EPHX2: variants seen among roughly 807,000 people sequenced by gnomAD.
The protein encoded by EPHX2 is bifunctional epoxide hydrolase 2.
EPHX2 carries 74 observed loss-of-function variants against 78.7 expected under a neutral mutation model. That is an observed-to-expected ratio of 0.94 (90% CI 0.78 to 1.14). EPHX2 has a LOEUF of 1.14. EPHX2 is among the 50% of genes most tolerant of loss of function. The pLI is 0.00. For synonymous variants in EPHX2, 251 were observed against 255.2 expected, an observed-to-expected ratio of 0.98 and a Z score of 0.16; for missense variants, 715 against 702.5, an observed-to-expected ratio of 1.02 and a Z score of -0.20.
At chr8:27,536,063 G>A (rs957550315) in intron 12 of EPHX2, among the ~76,000 whole-genome samples, 4 of 152,200 alleles carry the variant, frequency 2.6e-5, no homozygotes, top group African/African-American at 7.2e-5. Context: ...ACTGTGTGTC[G>A]ACTGGGTAAT....
chr8:27,493,090 G>A (rs749625228), intron 1 of EPHX2: 2 of 173,254 alleles, frequency 1.2e-5, no homozygotes, highest in African/African-American at 4.8e-5. Flanking sequence ...CCATTTGTAA[G>A]ACCATCTGTA....
rs571318334 is a variant in EPHX2 at position 27,520,321 on chromosome 8, G to A, written c.946-562G>A. Among the ~76,000 whole-genome samples, 44 of 151,074 alleles carry A rather than the reference G, an allele frequency of 2.9e-4. No individual in the cohort carries two copies. The South Asian group carries it at 3.6e-3, about 12-fold the overall frequency. On this transcript the variant is annotated intron_variant, in intron 9 of 18. Transcript: ENST00000521400. The stretch of plus-strand genomic sequence containing the variant: ...GCTGGGATTACAGGCGCCGGCCACC[G>A]TGCCCAGCTAATTTTTGTTTTGTTT...
chr8:27,528,068 G>A (rs1438916077), intron 12 of EPHX2, among the ~76,000 whole-genome samples: 1 of 152,108 alleles, frequency 6.6e-6, no homozygotes, highest in African/African-American at 2.4e-5. Context: ...AGAGAGGAGG[G>A]ACAAATCAGG....
At chr8:27,504,932 A>G in intron 3 of EPHX2, 24 bp from the exon 4 acceptor site, 4 of 1,612,648 alleles carry the variant, frequency 2.5e-6, no homozygotes, top group Non-Finnish European at 3.4e-6. Context: ...TAGCTGGTCT[A>G]TCTACTGGTG....
chr8:27,523,935 GTT>G (rs58934271), intron 11 of EPHX2, among the ~76,000 whole-genome samples: 3,718 of 139,818 alleles, frequency 0.027, 135 homozygotes, highest in African/African-American at 0.085. Context: ...TTCTATTCCT[GTT>G]TTTTTTTTTT....
At chr8:27,534,043 A>G (rs892406252) in intron 12 of EPHX2, among the ~76,000 whole-genome samples, 4 of 152,202 alleles carry the variant, frequency 2.6e-5, no homozygotes, top group African/African-American at 9.6e-5. Flanking sequence ...GACTGCTCTC[A>G]GTAAATAAGA....
intron 5 of EPHX2, among the ~76,000 whole-genome samples, chr8:27,510,626 G>C (rs1814202776): frequency 6.6e-6 from 1 of 152,168 alleles, no homozygotes; most frequent in Admixed American, 6.5e-5. Context: ...ACAAGGCTGA[G>C]CCCTAATCTC....
intron 18 of EPHX2, 49 bp downstream of exon 18, chr8:27,544,293 T>C (rs1361998799): frequency 6.2e-7 from 1 of 1,608,056 alleles, no homozygotes; most frequent in Non-Finnish European, 8.5e-7. Context: ...GGCCCCCCGT[T>C]CACCTTCCAT....
intron 1 of EPHX2, among the ~76,000 whole-genome samples, chr8:27,497,245 G>A (rs559169261): frequency 6.6e-5 from 10 of 152,330 alleles, no homozygotes; most frequent in South Asian, 4.1e-4. Flanking sequence ...TGGATCATCC[G>A]GTTGGGGGCT....
intron 14 of EPHX2, chr8:27,539,351 C>T (rs941039745): frequency 6.6e-6 from 1 of 152,198 alleles, no homozygotes; most frequent in Non-Finnish European, 1.5e-5. Context: ...CTGGACTAAC[C>T]CCCTTTAGAT....
At chr8:27,510,845 A>C (rs1814213307) in intron 5 of EPHX2, among the ~76,000 whole-genome samples, 1 of 151,826 alleles carries the variant, frequency 6.6e-6, no homozygotes, top group Non-Finnish European at 1.5e-5. Flanking sequence ...GCTACTTAGG[A>C]GGCTGAGGTG....
intron 6 of EPHX2, 149 bp downstream of exon 6, chr8:27,512,059 C>T: frequency 1.5e-6 from 1 of 647,348 alleles, no homozygotes; most frequent in South Asian, 1.8e-5. Context: ...GATCACACCA[C>T]TGTGCTCCAG....
chr8:27,527,755 G>C (rs980529635), intron 12 of EPHX2, among the ~76,000 whole-genome samples: 7 of 152,158 alleles, frequency 4.6e-5, no homozygotes, highest in African/African-American at 1.4e-4. Flanking sequence ...AGTATTCCAT[G>C]GTGTGTATAG....
intron 9 of EPHX2, among the ~76,000 whole-genome samples, chr8:27,518,479 C>T (rs1474189295): frequency 1.3e-5 from 2 of 152,230 alleles, no homozygotes; most frequent in African/African-American, 4.8e-5. Flanking sequence ...CATGGAATTC[C>T]TGCTCTAAGA....
intron 12 of EPHX2, among the ~76,000 whole-genome samples, chr8:27,536,568 G>C (rs1815218263): frequency 6.6e-6 from 1 of 152,102 alleles, no homozygotes; most frequent in African/African-American, 2.4e-5. Context: ...CTATAAACCT[G>C]CCTCCCGTGG....
Position 27,511,857 on chromosome 8 carries a change from C to T in EPHX2, c.682C>T (p.Leu228=), listed in dbSNP as rs201531330. The stretch of plus-strand genomic sequence containing the variant: ...ACAGCTTCTCAATACCCCGGCCCCT[C>T]TGCCGACCTCTTGCAATCCAAGTGA... ...GIQLLNTPAP[L]PTSCNPSDMS... Residue 228 remains leucine (L), a synonymous_variant, in exon 6 of 19, where the codon CTG becomes TTG. Coordinates refer to ENST00000521400, the MANE Select transcript of EPHX2 (RefSeq NM_001979.6). 3.1e-5 allele frequency: 50 copies of T among 1,614,108 alleles called. No individual in the cohort carries two copies. The highest frequency in any genetic ancestry group is 1.6e-4 in the Middle Eastern group (1 of 6,084).
intron 16 of EPHX2, among the ~76,000 whole-genome samples, chr8:27,541,803 G>A (rs961496256): frequency 1.1e-4 from 16 of 152,102 alleles, no homozygotes; most frequent in African/African-American, 2.2e-4. Flanking sequence ...GCATCCATCC[G>A]GAATCCCCAG....
intron 11 of EPHX2, among the ~76,000 whole-genome samples, 172 bp downstream of exon 11, chr8:27,522,680 C>T (rs368829874): frequency 9.9e-5 from 15 of 152,094 alleles, no homozygotes; most frequent in Admixed American, 1.3e-4. Context: ...AGGGCCTAGC[C>T]GGGCGTGGTG....
intron 5 of EPHX2, among the ~76,000 whole-genome samples, chr8:27,507,798 G>A (rs1484985598): frequency 6.6e-6 from 1 of 152,168 alleles, no homozygotes; most frequent in Admixed American, 6.5e-5. Flanking sequence ...AGCAGGGTTG[G>A]TTTCTCCAGA....
Sources: allele counts gnomAD v4.1 joint callset (sites outside exome capture counted in the v4.1 genomes callset), GRCh38; gene constraint gnomAD v4.1.1; transcripts MANE v1.5; gene names NCBI Gene and HGNC (gene_info 2026-07-23, HGNC 2026-07-21).